The following TFIP11 variants were observed in gnomAD, a reference collection of about 807,000 sequenced individuals.
TFIP11 encodes tuftelin interacting protein 11.
TFIP11 carries 86 observed loss-of-function variants against 96.8 expected under a neutral mutation model. The ratio of observed to expected loss-of-function variants is 0.89; its 90% CI spans 0.75 to 1.06. TFIP11 has a LOEUF of 1.06. TFIP11 is among the 50% of genes least tolerant of loss of function. TFIP11 has a pLI of 0.00. For missense variants in TFIP11, 881 were observed against 1,076.7 expected, an observed-to-expected ratio of 0.82 and a Z score of 2.54; for synonymous variants, 405 against 395.2, an observed-to-expected ratio of 1.02 and a Z score of -0.29.
chr22:26,492,067 G>T lies in TFIP11; in HGVS notation c.2460C>A (p.Gly820=), dbSNP rs16982207. The change falls in exon 15 of 15, where the codon GGC becomes GGA. Residue 820 remains glycine, a synonymous_variant. Coordinates refer to ENST00000407690, the MANE Select transcript of TFIP11 (RefSeq NM_012143.4). ...GTGAGGTGGGCACCCACGTCTTCTC[G>T]CCCTGGACAAAGACCACTCCCCGGT... ...YIDRGVVFVQ[G]EKTWVPTSLQ... is the part of the protein sequence containing the mutation. The T allele has an allele frequency of 6.2e-7, 1 of 1,611,480 alleles. No individual in the cohort carries two copies. Among genetic ancestry groups the T allele is most frequent in the Non-Finnish European group, 8.5e-7 (1 of 1,178,856 alleles).
At position 26,491,285 on chromosome 22, in the gene TFIP11, A is replaced by T; in HGVS notation, c.*728T>A. 1.4e-6 allele frequency: 1 copy of T among 705,976 alleles called. No homozygotes were observed. Among genetic ancestry groups the T allele is most frequent in the Non-Finnish European group, 2.4e-6 (1 of 422,652 alleles). The allele number at this position is 705,976 out of a possible 1,614,324, so 43.7% of individuals were successfully genotyped here. On this transcript the variant is annotated 3_prime_UTR_variant, in exon 15 of 15. Transcript: ENST00000407690. ...TTTATTCTTAGTATCACAGTCCATGATATCCACTGTCCTTGGGGCGCCCAA... is the reference window on the plus strand; with the variant it reads ...TTTATTCTTAGTATCACAGTCCATGTTATCCACTGTCCTTGGGGCGCCCAA...
rs754941272 is a variant in TFIP11 at position 26,491,698 on chromosome 22, G to T, written c.*315C>A. On this transcript the variant is annotated 3_prime_UTR_variant, in exon 15 of 15. Coordinates refer to ENST00000407690, the MANE Select transcript of TFIP11 (RefSeq NM_012143.4). ...ACTCGTTGTGAGGTACTCAGTGTTG[G>T]CTGAGGTAGAAGCTGCCACCAGAGA... 1 of 1,594,766 alleles carries T rather than the reference G, an allele frequency of 6.3e-7. No homozygotes were observed. The highest frequency in any genetic ancestry group is 1.7e-5 in the Admixed American group (1 of 59,708).
At chr22:26,511,449 T>A (rs1270243005) in intron 2 of TFIP11, 3 of 152,300 alleles carry the variant, frequency 2.0e-5, no homozygotes, top group East Asian at 3.9e-4. Context: ...TATCCTTCAA[T>A]CCAATCAAGT....
intron 12 of TFIP11, among the ~76,000 whole-genome samples, chr22:26,495,866 G>C (rs566616054): frequency 5.8e-4 from 89 of 152,230 alleles, no homozygotes; most frequent in Middle Eastern, 3.4e-3. Context: ...TCGACTATTA[G>C]TGACTGTTGT....
At chr22:26,496,924 T>C in intron 10 of TFIP11, 35 bp from the exon 11 acceptor site, 1 of 1,608,388 alleles carries the variant, frequency 6.2e-7, no homozygotes, top group Non-Finnish European at 8.5e-7. Flanking sequence ...GCTGGTTAAT[T>C]ACACTGACTG....
intron 6 of TFIP11, 106 bp downstream of exon 6, chr22:26,506,197 G>T: frequency 3.2e-6 from 4 of 1,264,958 alleles, no homozygotes; most frequent in Non-Finnish European, 4.3e-6. Context: ...CCAGGCTGGA[G>T]AGATAAAGTG....
At chr22:26,512,199 G>A (rs1369614358) in intron 1 of TFIP11, 24 bp from the exon 2 acceptor site, 1 of 152,250 alleles carries the variant, frequency 6.6e-6, no homozygotes, top group Non-Finnish European at 1.5e-5. Flanking sequence ...AGGAAGCTCA[G>A]GTTCTTAAAT....
At chr22:26,509,974 G>A in intron 4 of TFIP11, 90 bp downstream of exon 4, 1 of 1,384,940 alleles carries the variant, frequency 7.2e-7, no homozygotes, top group Non-Finnish European at 1.0e-6. Flanking sequence ...CAGGTGAGAA[G>A]TATACTTATC....
chr22:26,501,656 C>G (rs1291123867), intron 8 of TFIP11, among the ~76,000 whole-genome samples: 1 of 150,688 alleles, frequency 6.6e-6, no homozygotes, highest in Non-Finnish European at 1.5e-5. Flanking sequence ...TGAAGAGTGC[C>G]TAGCAGAGAA....
At chr22:26,501,415 G>A (rs1922767630) in intron 8 of TFIP11, among the ~76,000 whole-genome samples, 2 of 151,914 alleles carry the variant, frequency 1.3e-5, no homozygotes, top group African/African-American at 4.8e-5. Context: ...CTGAAACAAA[G>A]ACAAAGTTTT....
chr22:26,494,837 A>G lies in TFIP11; in HGVS notation c.1952T>C (p.Val651Ala). The G allele has an allele frequency of 1.9e-6, 3 of 1,614,248 alleles. No individual in the cohort carries two copies. Among genetic ancestry groups the G allele is most frequent in the Non-Finnish European group, 2.5e-6 (3 of 1,180,046 alleles). The change falls in exon 13 of 15, where the codon GTG (valine) becomes GCG (alanine). Residue 651 changes from valine (V) to alanine (A), a missense_variant. By Grantham distance (64) the Val-to-Ala change is moderately conservative. Transcript: ENST00000407690. ...WEGMISVSSL[V>A]GLLEKHFFPK... ...GAAGAAGTGCTTTTCAAGAAGTCCCACCAGGCTAGAGACAGAGATCATCCC... is the reference window on the plus strand; with the variant it reads ...GAAGAAGTGCTTTTCAAGAAGTCCCGCCAGGCTAGAGACAGAGATCATCCC...
At chr22:26,501,795 A>T in intron 8 of TFIP11, 105 bp downstream of exon 8, 2 of 722,210 alleles carry the variant, frequency 2.8e-6, no homozygotes, top group Non-Finnish European at 3.9e-6. Context: ...CAAAAAAAAA[A>T]AAAAAAAAAA....
chr22:26,495,991 A>G lies in TFIP11; in HGVS notation c.1849+82T>C, dbSNP rs1921973877. The G allele has an allele frequency of 2.6e-6, 4 of 1,539,006 alleles. No individual in the cohort carries two copies. In the African/African-American group the frequency reaches 4.1e-5, roughly 16 times the overall value. The stretch of plus-strand genomic sequence containing the variant: ...AAGCACTTTCATGAACATAAAGGCG[A>G]TGCTTTAAATCATCACTGCTAACCA... On this transcript the variant is annotated intron_variant, in intron 12 of 14. Coordinates refer to ENST00000407690, the MANE Select transcript of TFIP11 (RefSeq NM_012143.4).
At chr22:26,495,968 G>T in intron 12 of TFIP11, 105 bp downstream of exon 12, 1 of 1,468,528 alleles carries the variant, frequency 6.8e-7, no homozygotes. Flanking sequence ...TGTGTACTAA[G>T]CACTTTCATG....
At position 26,496,067 on chromosome 22, in the gene TFIP11, C is replaced by T. The variant is rs1433305091; in HGVS notation, c.1849+6G>A. On this transcript the variant is annotated splice_donor_region_variant and intron_variant, in intron 12 of 14. Coordinates refer to ENST00000407690, the MANE Select transcript of TFIP11 (RefSeq NM_012143.4). The stretch of plus-strand genomic sequence containing the variant: ...GGGCTTGGAATGCATTTCCCCTTAT[C>T]CTTACCCAGCTTGGGCACTATGTTT... 4 of 1,613,160 alleles carry T rather than the reference C, an allele frequency of 2.5e-6. No homozygotes were observed. The South Asian group carries it at 4.4e-5, about 18-fold the overall frequency.
chr22:26,497,045 C>T (rs1429725888), intron 10 of TFIP11, among the ~76,000 whole-genome samples, 156 bp from the exon 11 acceptor site: 3 of 152,176 alleles, frequency 2.0e-5, no homozygotes, highest in African/African-American at 7.2e-5. Flanking sequence ...ACTGGCCAGA[C>T]TGAGCCTGCC....
At chr22:26,505,058 C>T (rs570387373) in intron 6 of TFIP11, among the ~76,000 whole-genome samples, 5 of 152,112 alleles carry the variant, frequency 3.3e-5, no homozygotes, top group South Asian at 4.2e-4. Context: ...GTCTGGGTGA[C>T]AAGAGTGAAA....
At chr22:26,499,946 A>C (rs1367168992) in intron 8 of TFIP11, among the ~76,000 whole-genome samples, 1 of 152,198 alleles carries the variant, frequency 6.6e-6, no homozygotes, top group Non-Finnish European at 1.5e-5. Context: ...TTTTAATGGA[A>C]AGGTAGAAGC....
chr22:26,493,024 A>G (rs1013607758), intron 14 of TFIP11: 1 of 150,790 alleles, frequency 6.6e-6, no homozygotes, highest in Admixed American at 6.6e-5. Context: ...AGAATAGGCT[A>G]TTTTTCTTTT....
Sources: allele counts gnomAD v4.1 joint callset (sites outside exome capture counted in the v4.1 genomes callset), GRCh38; gene constraint gnomAD v4.1.1; transcripts MANE v1.5; gene names NCBI Gene and HGNC (gene_info 2026-07-23, HGNC 2026-07-21).